The following NEBL variants were observed in gnomAD, a reference collection of about 807,000 sequenced individuals.
The protein encoded by NEBL is LIM and SH3 protein 2.
NEBL carries 122 observed loss-of-function variants against 140.2 expected under a neutral mutation model. That is an observed-to-expected ratio of 0.87 (90% CI 0.75 to 1.01). The LOEUF is 1.01. Among genes scored for constraint, NEBL ranks in the 50% least tolerant of loss-of-function variants. The pLI is 0.00. For synonymous variants in NEBL, 436 were observed against 398.9 expected (o/e 1.09, Z -1.11); for missense variants, 1,365 against 1,231.3 (o/e 1.11, Z -1.62).
chr10:20,840,506 T>A (rs183095752), intron 13 of NEBL, among the ~76,000 whole-genome samples: 7 of 152,240 alleles, frequency 4.6e-5, no homozygotes, highest in African/African-American at 1.4e-4. Context: ...TTAAACTATT[T>A]TCGTTTATTA....
At chr10:20,917,529 C>T (rs1041743231) in intron 4 of NEBL, among the ~76,000 whole-genome samples, 1 of 152,206 alleles carries the variant, frequency 6.6e-6, no homozygotes, top group African/African-American at 2.4e-5. Flanking sequence ...GAACTATTCA[C>T]ATGCTGGCCA....
intron 2 of NEBL, among the ~76,000 whole-genome samples, chr10:21,161,177 TTTTTTA>T (rs1212986778): frequency 6.6e-6 from 1 of 152,172 alleles, no homozygotes; most frequent in African/African-American, 2.4e-5. Flanking sequence ...CTATTGCTTC[TTTTTTA>T]TTTTTATTTT....
intron 2 of NEBL, among the ~76,000 whole-genome samples, chr10:21,166,342 TTAAA>T (rs1840777622): frequency 6.6e-6 from 1 of 152,126 alleles, no homozygotes; most frequent in Admixed American, 6.5e-5. Flanking sequence ...TTTTTAGTAC[TTAAA>T]TGAATTCTGA....
In NEBL at chr10:20,888,120, C is replaced by A. The variant is rs1194250754; in HGVS notation, c.346G>T (p.Glu116Ter). ...PATIDSVFAG[E>*]VTQLQSEVAY... ...ACCTCACTCTGGAGCTGTGTAACTT[C>A]TCCTGCAAAAACACTGTCAATTGTG... is the stretch of plus-strand genomic sequence containing the variant. Residue 116 changes from glutamate to a stop codon, truncating the protein, a stop_gained, in exon 4 of 28, where the codon GAA (glutamate) becomes TAA (stop). Coordinates refer to ENST00000377122, the MANE Select transcript of NEBL (RefSeq NM_006393.3). LOFTEE classifies it high-confidence loss of function. The A allele has an allele frequency of 6.2e-7, 1 of 1,613,022 alleles. No homozygotes were observed. The highest frequency in any genetic ancestry group is 8.5e-7 in the Non-Finnish European group (1 of 1,179,132).
chr10:21,030,557 C>G (rs1589153390), intron 2 of NEBL: 1 of 743,398 alleles, frequency 1.3e-6, no homozygotes, highest in Non-Finnish European at 2.4e-6. Context: ...TCTCAGAGCT[C>G]AGACACACAG....
chr10:20,935,569 G>A (rs1834438319), intron 4 of NEBL, among the ~76,000 whole-genome samples: 1 of 152,334 alleles, frequency 6.6e-6, no homozygotes, highest in Admixed American at 6.5e-5. Context: ...TGTGCAATGA[G>A]AGACTGATTC....
At chr10:21,252,871 C>T (rs1194529260) in intron 1 of NEBL, among the ~76,000 whole-genome samples, 1 of 152,164 alleles carries the variant, frequency 6.6e-6, no homozygotes, top group East Asian at 1.9e-4. Flanking sequence ...AGGAGAATCA[C>T]TTGAACCCGG....
intron 9 of NEBL, among the ~76,000 whole-genome samples, chr10:20,854,282 C>A (rs930140211): frequency 6.6e-6 from 1 of 151,990 alleles, no homozygotes; most frequent in Admixed American, 6.5e-5. Flanking sequence ...AAGAGCTGGC[C>A]ATAAGGAAAT....
chr10:20,992,812 C>G (rs1837518001), intron 3 of NEBL, among the ~76,000 whole-genome samples: 2 of 106,192 alleles, frequency 1.9e-5, no homozygotes, highest in Admixed American at 1.6e-4. Context: ...GAGTCTCGCT[C>G]TGTCACCCAG....
intron 4 of NEBL, among the ~76,000 whole-genome samples, chr10:20,923,666 C>CA (rs71390799): frequency 0.015 from 428 of 28,318 alleles, 46 homozygotes; most frequent in South Asian, 0.067. Flanking sequence ...GACTCCGTCT[C>CA]AAAAAAAAAA....
chr10:21,037,702 A>C (rs1486785117), intron 2 of NEBL, among the ~76,000 whole-genome samples: 2 of 152,178 alleles, frequency 1.3e-5, no homozygotes, highest in Non-Finnish European at 2.9e-5. Flanking sequence ...AAATTTAAAA[A>C]GTGATTTTTT....
At chr10:21,063,775 A>C (rs1837534) in intron 2 of NEBL, among the ~76,000 whole-genome samples, 152,300 of 152,302 alleles carry the variant, frequency 1, 76,149 homozygotes, top group Non-Finnish European at 1. Context: ...GAAGCTGAGG[A>C]AGGAGAATGG....
intron 3 of NEBL, among the ~76,000 whole-genome samples, chr10:21,226,653 G>A (rs1842153976): frequency 6.6e-6 from 1 of 152,164 alleles, no homozygotes; most frequent in Non-Finnish European, 1.5e-5. Context: ...TGACAGGGCA[G>A]CACTGAGTTC....
At chr10:20,963,721 C>G (rs1336500609) in intron 3 of NEBL, among the ~76,000 whole-genome samples, 1 of 152,144 alleles carries the variant, frequency 6.6e-6, no homozygotes, top group Non-Finnish European at 1.5e-5. Flanking sequence ...TTTGAGCTGA[C>G]TACTGTTCAA....
chr10:20,835,558 G>T lies in NEBL; in HGVS notation c.1404C>A (p.Thr468=), dbSNP rs368975986. The T allele has an allele frequency of 5.6e-6, 9 of 1,612,652 alleles. No homozygotes were observed. Among genetic ancestry groups the T allele is most frequent in the Middle Eastern group, 1.7e-4 (1 of 6,060 alleles). ...CCTTCTTGGCATGCTGCATTTCAAG[G>T]GTGTCAGTGCCAGCTTGCATTCCTT... ...KGKGMQAGTD[T]LEMQHAKKAA... Residue 468 remains threonine, a synonymous_variant, in exon 14 of 28, where the codon ACC becomes ACA. Transcript: ENST00000377122.
At chr10:20,952,920 A>G (rs578133469) in intron 4 of NEBL, among the ~76,000 whole-genome samples, 43 of 149,998 alleles carry the variant, frequency 2.9e-4, no homozygotes, top group African/African-American at 6.3e-4. Flanking sequence ...AAAAAAAAAA[A>G]AAAAAGAAAA....
At position 21,169,067 on chromosome 10, in the gene NEBL, A is replaced by AAAATAT. The variant is rs1554830679; in HGVS notation, c.164+3315_164+3316insATATTT. ...CCGTCTACAAAAAAAAAAAAAAAAA[A>AAAATAT]ATATATATATATATATATATATATA... On this transcript the variant is annotated intron_variant, in intron 2 of 6. Transcript: ENST00000417816. 2.7e-3 allele frequency among the ~76,000 whole-genome samples: 63 copies of AAAATAT among 23,056 alleles called. 2 individuals are homozygous for AAAATAT. The highest frequency in any genetic ancestry group is 4.7e-3 in the Non-Finnish European group (54 of 11,520). The allele number at this position is 23,056 out of a possible 152,430, so 15.1% of individuals were successfully genotyped here.
At chr10:20,963,786 G>A (rs1302111013) in intron 3 of NEBL, among the ~76,000 whole-genome samples, 5 of 152,158 alleles carry the variant, frequency 3.3e-5, no homozygotes, top group African/African-American at 1.2e-4. Flanking sequence ...TGGCTTGCTG[G>A]TTGTGTGACT....
chr10:21,196,231 T>C (rs1324903367), intron 3 of NEBL, among the ~76,000 whole-genome samples: 1 of 152,104 alleles, frequency 6.6e-6, no homozygotes, highest in South Asian at 2.1e-4. Context: ...CTCGAACTCC[T>C]GACCTCGTGA....
Sources: gnomAD v4.1 joint callset for allele counts (sites outside exome capture counted in the v4.1 genomes callset) on GRCh38, gnomAD v4.1.1 for gene constraint, MANE v1.5 for transcripts, NCBI Gene and HGNC (gene_info 2026-07-23, HGNC 2026-07-21) for gene names.